Variants in SPECC1L observed in about 807,000 individuals in gnomAD.
SPECC1L encodes the protein sperm antigen with calponin homology and coiled-coil domains 1 like, also known as cytospin-A.
A neutral mutation model predicts 116.8 loss-of-function variants in SPECC1L; 40 were observed. That is an observed-to-expected ratio of 0.34 (90% CI 0.27 to 0.45). SPECC1L has a LOEUF of 0.45. Ranked by LOEUF, SPECC1L falls within the 20% of genes least tolerant of loss-of-function variation. The pLI, the probability that SPECC1L is intolerant of heterozygous loss-of-function variation, is 1.00. For synonymous variants in SPECC1L, 504 were observed against 500.6 expected, an observed-to-expected ratio of 1.01 and a Z score of -0.09; for missense variants, 1,110 against 1,373.6, an observed-to-expected ratio of 0.81 and a Z score of 3.03.
chr22:24,299,454 G>T (rs184677285), intron 2 of SPECC1L, among the ~76,000 whole-genome samples: 8 of 152,036 alleles, frequency 5.3e-5, no homozygotes, highest in South Asian at 2.1e-4. Context: ...CGGTGAACAG[G>T]GGGTATTTGG....
At chr22:24,340,043 C>T (rs1001446157) in intron 10 of SPECC1L, among the ~76,000 whole-genome samples, 10 of 152,064 alleles carry the variant, frequency 6.6e-5, no homozygotes, top group Non-Finnish European at 5.9e-5. Flanking sequence ...CCTGGTCCTC[C>T]CAAAGTGCTG....
chr22:24,286,225 TTAG>T (rs1238569563), intron 2 of SPECC1L, among the ~76,000 whole-genome samples: 2 of 152,232 alleles, frequency 1.3e-5, no homozygotes, highest in Non-Finnish European at 2.9e-5. Flanking sequence ...ACACTTGCTG[TTAG>T]TAGTAACCTT....
At chr22:24,406,610 C>T (rs2042596001) in intron 14 of SPECC1L, among the ~76,000 whole-genome samples, 1 of 152,128 alleles carries the variant, frequency 6.6e-6, no homozygotes, top group South Asian at 2.1e-4. Context: ...TGGAGAAGGC[C>T]TCACTGGGTG....
chr22:24,333,238 AAAG>A (rs1243471730), intron 8 of SPECC1L, among the ~76,000 whole-genome samples: 4 of 152,212 alleles, frequency 2.6e-5, no homozygotes, highest in Non-Finnish European at 5.9e-5. Flanking sequence ...AAAAAAAAGA[AAAG>A]AAAGTTGTAA....
chr22:24,397,762 A>G (rs2042395827), intron 14 of SPECC1L, among the ~76,000 whole-genome samples: 1 of 152,106 alleles, frequency 6.6e-6, no homozygotes, highest in African/African-American at 2.4e-5. Flanking sequence ...TTTTTTTAGC[A>G]GACCTCATTT....
chr22:24,389,139 G>T (rs2042218274), intron 14 of SPECC1L, among the ~76,000 whole-genome samples: 1 of 122,252 alleles, frequency 8.2e-6, no homozygotes, highest in African/African-American at 3.2e-5. Flanking sequence ...TTTGGAGACA[G>T]AGTTTCACTC....
intron 10 of SPECC1L, among the ~76,000 whole-genome samples, chr22:24,343,817 A>T (rs1190551167): frequency 6.6e-6 from 1 of 152,168 alleles, no homozygotes; most frequent in Non-Finnish European, 1.5e-5. Context: ...AAAAAAAAGT[A>T]AAAGTAAAAT....
At chr22:24,375,828 T>C (rs1389887143) in intron 14 of SPECC1L, among the ~76,000 whole-genome samples, 1 of 152,038 alleles carries the variant, frequency 6.6e-6, no homozygotes, top group Non-Finnish European at 1.5e-5. Flanking sequence ...CACACACCTG[T>C]AATGCCAGCT....
At chr22:24,365,656 C>A in intron 13 of SPECC1L, 24 bp downstream of exon 13, 1 of 1,613,186 alleles carries the variant, frequency 6.2e-7, no homozygotes, top group Non-Finnish European at 8.5e-7. Flanking sequence ...AATATTCATG[C>A]ATTTCGTGTG....
At chr22:24,278,934 GCA>G (rs907729188) in intron 2 of SPECC1L, among the ~76,000 whole-genome samples, 8 of 152,218 alleles carry the variant, frequency 5.3e-5, no homozygotes, top group Admixed American at 5.2e-4. Flanking sequence ...GTCCTTGGTA[GCA>G]CAGTTTGTAC....
At chr22:24,283,646 G>T (rs1945356897) in intron 2 of SPECC1L, among the ~76,000 whole-genome samples, 1 of 152,176 alleles carries the variant, frequency 6.6e-6, no homozygotes, top group African/African-American at 2.4e-5. Flanking sequence ...AGTTTGTAAA[G>T]AATTTGTTTT....
chr22:24,303,844 GGTGTGTGTGTGTGT>G (rs3031935), intron 3 of SPECC1L, among the ~76,000 whole-genome samples: 72 of 144,090 alleles, frequency 5.0e-4, no homozygotes, highest in African/African-American at 1.2e-3. Context: ...GTTTAAATAG[GGTGTGTGTGTGTGT>G]GTGTGTGTGT....
chr22:24,360,587 T>C (rs918611494), intron 11 of SPECC1L, among the ~76,000 whole-genome samples: 2 of 152,088 alleles, frequency 1.3e-5, no homozygotes, highest in African/African-American at 2.4e-5. Context: ...TTATAGTGTG[T>C]ATTGTAAAAG....
chr22:24,365,405 G>GAAA, intron 12 of SPECC1L, 71 bp from the exon 13 acceptor site: 1 of 1,384,036 alleles, frequency 7.2e-7, no homozygotes, highest in Non-Finnish European at 1.0e-6. Context: ...GGAATCTTCA[G>GAAA]AAAAAAAAAA....
At position 24,384,802 on chromosome 22, in the gene SPECC1L, T is replaced by C. The variant is rs1046008300; in HGVS notation, c.3087+15482T>C. On this transcript the variant is annotated intron_variant, in intron 14 of 16. Transcript: ENST00000314328. ...ATAGAAAAAGAGAATGTAGGCCGGG[T>C]GCGGTGGCTCACGCCTGTAATCCCA... is the stretch of plus-strand genomic sequence containing the variant. 1.3e-4 allele frequency among the ~76,000 whole-genome samples: 19 copies of C among 151,990 alleles called. No homozygotes were observed. The East Asian group carries it at 1.5e-3, about 12-fold the overall frequency.
chr22:24,317,423 C>T (rs1268709499), intron 4 of SPECC1L, among the ~76,000 whole-genome samples: 5 of 118,876 alleles, frequency 4.2e-5, no homozygotes, highest in African/African-American at 1.5e-4. Flanking sequence ...AGATGGGGCG[C>T]TGGCCGGGCG....
rs917782101 is a variant in SPECC1L at position 24,393,478 on chromosome 22, G to C, written c.3088-18110G>C. ...ACAAGATGACTTTCTGCCAGTTAGCGTCCACCCAGGATATCTTCCATCAGA... is the reference window on the plus strand; with the variant it reads ...ACAAGATGACTTTCTGCCAGTTAGCCTCCACCCAGGATATCTTCCATCAGA... On this transcript the variant is annotated intron_variant, in intron 14 of 16. Transcript: ENST00000314328. Among the ~76,000 whole-genome samples, 3 of 152,150 alleles carry C rather than the reference G, an allele frequency of 2.0e-5. No individual in the cohort carries two copies. The East Asian group carries it at 5.8e-4, about 29-fold the overall frequency.
At chr22:24,375,376 G>A (rs1287426012) in intron 14 of SPECC1L, among the ~76,000 whole-genome samples, 2 of 152,008 alleles carry the variant, frequency 1.3e-5, no homozygotes, top group South Asian at 4.1e-4. Flanking sequence ...TACAAAAAAA[G>A]AAAACTGTAA....
At chr22:24,361,097 C>T (rs2041634249) in intron 11 of SPECC1L, among the ~76,000 whole-genome samples, 1 of 152,310 alleles carries the variant, frequency 6.6e-6, no homozygotes, top group Middle Eastern at 3.4e-3. Flanking sequence ...GTTCCTCATA[C>T]CCTTAGAAAA....
Sources: allele counts gnomAD v4.1 joint callset (sites outside exome capture counted in the v4.1 genomes callset), GRCh38; gene constraint gnomAD v4.1.1; transcripts MANE v1.5; gene names NCBI Gene and HGNC (gene_info 2026-07-23, HGNC 2026-07-21).